The following MYZAP variants were observed in gnomAD, a reference collection of about 807,000 sequenced individuals.
MYZAP encodes the protein GRINL1A complex locus upstream.
A neutral mutation model predicts 69.4 loss-of-function variants in MYZAP; 66 were observed. The ratio of observed to expected loss-of-function variants is 0.95; its 90% CI spans 0.78 to 1.17. The LOEUF (loss-of-function observed/expected upper bound fraction) is 1.17, where lower values mean the gene tolerates loss of function less well. Ranked by LOEUF, MYZAP falls within the 50% of genes most tolerant of loss-of-function variation. MYZAP has a pLI of 0.00. For missense variants in MYZAP, 611 were observed against 556.2 expected (o/e 1.10, Z -0.99); for synonymous variants, 256 against 205.9 (o/e 1.24, Z -2.09).
At chr15:57,604,168 A>G (rs2172611) in intron 1 of MYZAP, 101 bp from the exon 2 acceptor site, 7 of 1,238,778 alleles carry the variant, frequency 5.7e-6, no homozygotes, top group East Asian at 2.3e-5. Flanking sequence ...GTGTTCCCCA[A>G]TGGAAGTAGG....
chr15:57,666,858 A>G (rs532213642), intron 11 of MYZAP, among the ~76,000 whole-genome samples: 3 of 152,334 alleles, frequency 2.0e-5, no homozygotes, highest in South Asian at 4.1e-4. Flanking sequence ...TAACAAAAAT[A>G]TGCCCATTCT....
intron 10 of MYZAP, among the ~76,000 whole-genome samples, chr15:57,658,219 T>A (rs997819181): frequency 6.6e-6 from 1 of 152,136 alleles, no homozygotes; most frequent in Non-Finnish European, 1.5e-5. Context: ...TATCTACTCC[T>A]TCCTCTTTTT....
chr15:57,618,337 T>C (rs1329215106), intron 3 of MYZAP, 149 bp downstream of exon 3: 17 of 1,294,814 alleles, frequency 1.3e-5, no homozygotes, highest in Non-Finnish European at 1.7e-5. Flanking sequence ...TCTGTGTATC[T>C]TCATGGTAAT....
intron 11 of MYZAP, among the ~76,000 whole-genome samples, chr15:57,671,708 T>C (rs764731287): frequency 6.6e-6 from 1 of 152,228 alleles, no homozygotes; most frequent in Non-Finnish European, 1.5e-5. Context: ...TATTGTACTT[T>C]CCTGTTCTAA....
At chr15:57,619,482 A>T (rs1386342642) in intron 3 of MYZAP, among the ~76,000 whole-genome samples, 3 of 152,112 alleles carry the variant, frequency 2.0e-5, no homozygotes, top group African/African-American at 7.2e-5. Context: ...CCCTCAAGTG[A>T]TCCTCCTGCC....
At chr15:57,654,462 T>G (rs1217120025) in intron 10 of MYZAP, among the ~76,000 whole-genome samples, 1 of 152,176 alleles carries the variant, frequency 6.6e-6, no homozygotes, top group African/African-American at 2.4e-5. Flanking sequence ...CTGTTTTACA[T>G]AAGGCATTTT....
intron 1 of MYZAP, among the ~76,000 whole-genome samples, chr15:57,602,636 G>A (rs1299277680): frequency 6.6e-6 from 1 of 152,186 alleles, no homozygotes; most frequent in Non-Finnish European, 1.5e-5. Context: ...GCACTCCCGC[G>A]AACTGAGCCC....
rs774685366 is a variant in MYZAP, at chr15:57,639,437, T to C, written c.1014-3T>C. On this transcript the variant is annotated splice_region_variant and splice_polypyrimidine_tract_variant and intron_variant, in intron 9 of 12. Coordinates refer to ENST00000267853, the MANE Select transcript of MYZAP (RefSeq NM_001018100.5). ...ATTTGCTTTTTTCTCCTATTTGTGTTAGGTATCAGCAGTTGGAGGAGGCAT... is the reference window on the plus strand; with the variant it reads ...ATTTGCTTTTTTCTCCTATTTGTGTCAGGTATCAGCAGTTGGAGGAGGCAT... 1.9e-6 allele frequency: 3 copies of C among 1,613,786 alleles called. No individual in the cohort carries two copies. Among genetic ancestry groups the C allele is most frequent in the Non-Finnish European group, 1.7e-6 (2 of 1,179,926 alleles).
At position 57,632,150 on chromosome 15, in the gene MYZAP, G is replaced by A. The variant is rs117685055; in HGVS notation, c.679-284G>A. On this transcript the variant is annotated intron_variant, in intron 6 of 12. Transcript: ENST00000267853. ...TGGCCAATGCAACTGATGAGATTGC[G>A]TAGAGAAATAAGTTTCTACCTTTTG... Among the ~76,000 whole-genome samples the A allele has an allele frequency of 6.7e-3, 1,016 of 152,350 alleles. 6 individuals are homozygous for A. The highest frequency in any genetic ancestry group is 0.012 in the Non-Finnish European group (813 of 68,040).
intron 11 of MYZAP, among the ~76,000 whole-genome samples, chr15:57,663,523 G>A (rs1432165054): frequency 3.3e-5 from 5 of 152,214 alleles, no homozygotes; most frequent in African/African-American, 9.6e-5. Context: ...GCTCACTCCT[G>A]CTGGGGATCT....
intron 10 of MYZAP, among the ~76,000 whole-genome samples, chr15:57,660,575 A>G (rs1253168456): frequency 6.6e-6 from 1 of 152,214 alleles, no homozygotes; most frequent in African/African-American, 2.4e-5. Flanking sequence ...TTGGCCTCCC[A>G]AAGTGCTGGG....
In MYZAP at chr15:57,676,113, G is replaced by A. The variant is rs528496921; in HGVS notation, c.1304+1045G>A. On this transcript the variant is annotated intron_variant, in intron 12 of 12. Transcript: ENST00000267853. ...GCCTTCAGACAGGTTCTTCACTGGG[G>A]CCTCGGTTTCTCAACTTCTAAAGTC... is the stretch of plus-strand genomic sequence containing the variant. Among the ~76,000 whole-genome samples the A allele has an allele frequency of 3.3e-5, 5 of 152,164 alleles. No homozygotes were observed. In the East Asian group the frequency reaches 7.7e-4, roughly 24 times the overall value.
chr15:57,604,763 C>T (rs556068891), intron 2 of MYZAP, among the ~76,000 whole-genome samples: 7 of 152,304 alleles, frequency 4.6e-5, no homozygotes, highest in South Asian at 2.1e-4. Flanking sequence ...GCTCTGCTCC[C>T]GCAGAAGAGA....
chr15:57,684,803 T>G lies in MYZAP; in HGVS notation c.*305T>G, dbSNP rs1226896014. ...GAGGATTCCTTCACAATGTATTTTA[T>G]TTGCTAGACTTTGGTTGGGAGGGAA... On this transcript the variant is annotated 3_prime_UTR_variant, in exon 13 of 13. Transcript: ENST00000267853. 4.7e-6 allele frequency: 1 copy of G among 214,160 alleles called. No individual in the cohort carries two copies. Among genetic ancestry groups the G allele is most frequent in the Non-Finnish European group, 9.2e-6 (1 of 109,016 alleles). The allele number at this position is 214,160 out of a possible 1,614,324, so 13.3% of individuals were successfully genotyped here.
chr15:57,680,710 A>G (rs2039388832), intron 12 of MYZAP: 1 of 152,184 alleles, frequency 6.6e-6, no homozygotes, highest in African/African-American at 2.4e-5. Flanking sequence ...CAAACCAGCA[A>G]ACTTGGTTTT....
rs1172761785 is a variant in MYZAP at position 57,593,214 on chromosome 15, A to ACACACACACACACACACACACACC, written c.75+1106_75+1107insACACACACACACACACACACACCC. Among the ~76,000 whole-genome samples, 98 of 141,426 alleles carry ACACACACACACACACACACACACC rather than the reference A, an allele frequency of 6.9e-4. 1 individual carries two copies. The highest frequency in any genetic ancestry group is 7.4e-3 in the Middle Eastern group (2 of 270). The allele number at this position is 141,426 out of a possible 152,430, so 92.8% of individuals were successfully genotyped here. On this transcript the variant is annotated intron_variant, in intron 1 of 12. Transcript: ENST00000267853. Reference sequence around the variant, plus strand: ...CACACACACACACACACACACACACACCCCAGAATCCATCAGTTGGCTCAT... The same window carrying ACACACACACACACACACACACACC: ...CACACACACACACACACACACACACACACACACACACACACACACACACCCCCCAGAATCCATCAGTTGGCTCAT...
intron 2 of MYZAP, among the ~76,000 whole-genome samples, chr15:57,617,159 C>T (rs1374056432): frequency 6.6e-6 from 1 of 152,002 alleles, no homozygotes. Flanking sequence ...AGGTGTGTGT[C>T]CATAAGCAAG....
intron 2 of MYZAP, among the ~76,000 whole-genome samples, chr15:57,610,935 TC>T (rs1423208020): frequency 6.6e-6 from 1 of 152,124 alleles, no homozygotes; most frequent in Non-Finnish European, 1.5e-5. Context: ...TATTTCGCTG[TC>T]AGAGCCACTT....
At chr15:57,624,363 A>C (rs1017649533) in intron 4 of MYZAP, among the ~76,000 whole-genome samples, 1 of 152,130 alleles carries the variant, frequency 6.6e-6, no homozygotes, top group Non-Finnish European at 1.5e-5. Flanking sequence ...TGATTATAGG[A>C]GTGGGGCTAC....
Sources: allele counts gnomAD v4.1 joint callset (sites outside exome capture counted in the v4.1 genomes callset), GRCh38; gene constraint gnomAD v4.1.1; transcripts MANE v1.5; gene names NCBI Gene and HGNC (gene_info 2026-07-23, HGNC 2026-07-21).